Variants in DLC1 observed in about 807,000 individuals in gnomAD.
DLC1 encodes DLC1 Rho GTPase activating protein, also known as rho GTPase-activating protein 7.
A neutral mutation model predicts 140.3 loss-of-function variants in DLC1; 54 were observed. The ratio of observed to expected loss-of-function variants is 0.38; its 90% confidence interval spans 0.31 to 0.48. DLC1 has a LOEUF of 0.48. DLC1 is among the 20% of genes least tolerant of loss of function. The pLI is 0.96. For synonymous variants in DLC1, 986 were observed against 728.1 expected, an observed-to-expected ratio of 1.35 and a Z score of -5.70; for missense variants, 2,536 against 1,907.0, an observed-to-expected ratio of 1.33 and a Z score of -6.14.
intron 2 of DLC1, among the ~76,000 whole-genome samples, chr8:13,465,046 T>C (rs1399611538): frequency 6.6e-6 from 1 of 152,084 alleles, no homozygotes; most frequent in Non-Finnish European, 1.5e-5. Flanking sequence ...GCAATGTTAC[T>C]TTACAAAATT....
At chr8:13,103,966 G>A (rs1291470417) in intron 7 of DLC1, among the ~76,000 whole-genome samples, 1 of 151,892 alleles carries the variant, frequency 6.6e-6, no homozygotes, top group African/African-American at 2.4e-5. Flanking sequence ...ACAGTGTCTT[G>A]TATTTGAAAT....
chr8:13,232,896 T>G (rs2583101), intron 5 of DLC1, among the ~76,000 whole-genome samples: 79,457 of 152,102 alleles, frequency 0.52, 21,150 homozygotes, highest in East Asian at 0.83. Flanking sequence ...AAACACAAAG[T>G]AAATAAAGAT....
chr8:13,440,903 C>G (rs551165919), intron 2 of DLC1, among the ~76,000 whole-genome samples: 1 of 152,068 alleles, frequency 6.6e-6, no homozygotes, highest in African/African-American at 2.4e-5. Context: ...CCAATTAAAC[C>G]TCCTCTTCTT....
intron 5 of DLC1, among the ~76,000 whole-genome samples, chr8:13,149,583 G>T (rs1179183356): frequency 6.6e-6 from 1 of 152,022 alleles, no homozygotes; most frequent in Admixed American, 6.5e-5. Flanking sequence ...GCTCTATCCC[G>T]ACCCATCTGT....
At chr8:13,190,101 C>G (rs781436910) in intron 5 of DLC1, among the ~76,000 whole-genome samples, 1 of 152,122 alleles carries the variant, frequency 6.6e-6, no homozygotes, top group Non-Finnish European at 1.5e-5. Context: ...TTATTTTACT[C>G]AATGTATTCC....
intron 1 of DLC1, among the ~76,000 whole-genome samples, chr8:13,599,719 A>T (rs1045871063): frequency 2.0e-5 from 3 of 151,944 alleles, no homozygotes; most frequent in Non-Finnish European, 4.4e-5. Context: ...AATGATGTCA[A>T]CTCTATCCAA....
chr8:13,092,608 G>T lies in DLC1; in HGVS notation c.3740+4C>A. On this transcript the variant is annotated splice_donor_region_variant and intron_variant, in intron 13 of 17. Coordinates refer to ENST00000276297, the MANE Select transcript of DLC1 (RefSeq NM_182643.3). ...TGTGCATGCACCTCCCATGCAGCCC[G>T]TACCTGGGAGAGGAATTCTCTCTCT... 6.2e-7 allele frequency: 1 copy of T among 1,613,822 alleles called. No individual in the cohort carries two copies. The highest frequency in any genetic ancestry group is 1.1e-5 in the South Asian group (1 of 90,978).
chr8:13,420,311 AG>A (rs1315262721), intron 2 of DLC1, among the ~76,000 whole-genome samples: 1 of 152,140 alleles, frequency 6.6e-6, no homozygotes, highest in Non-Finnish European at 1.5e-5. Flanking sequence ...TCCTCATAAT[AG>A]CATGAAAGGA....
intron 5 of DLC1, among the ~76,000 whole-genome samples, chr8:13,302,445 A>G (rs967940743): frequency 6.6e-6 from 1 of 152,238 alleles, no homozygotes; most frequent in Non-Finnish European, 1.5e-5. Context: ...ATCACAGGGC[A>G]GGAGACAAGC....
intron 2 of DLC1, among the ~76,000 whole-genome samples, chr8:13,458,087 A>G (rs1013574735): frequency 1.3e-5 from 2 of 152,216 alleles, no homozygotes; most frequent in African/African-American, 2.4e-5. Context: ...ATCTAAAGCA[A>G]TCAGTACGGA....
At chr8:13,426,764 C>G (rs1838602617) in intron 2 of DLC1, among the ~76,000 whole-genome samples, 1 of 151,046 alleles carries the variant, frequency 6.6e-6, no homozygotes, top group Non-Finnish European at 1.5e-5. Context: ...TTTATAGTCC[C>G]ATTGCCTCGT....
chr8:13,167,068 A>C (rs1427144800), intron 5 of DLC1, among the ~76,000 whole-genome samples: 3 of 152,192 alleles, frequency 2.0e-5, no homozygotes, highest in African/African-American at 7.2e-5. Context: ...TGAACATGAA[A>C]AAGGCCCTAG....
chr8:13,208,396 C>T (rs138910873), intron 5 of DLC1, among the ~76,000 whole-genome samples: 213 of 152,164 alleles, frequency 1.4e-3, no homozygotes, highest in African/African-American at 4.8e-3. Context: ...TCTATTTTGG[C>T]CAGTCTTCCC....
intron 5 of DLC1, chr8:13,305,037 A>C (rs1832362101): frequency 1.7e-6 from 2 of 1,155,292 alleles, no homozygotes; most frequent in Middle Eastern, 3.6e-4. Flanking sequence ...AGTTACAAGG[A>C]AGACCCCAAG....
chr8:13,547,066 G>A (rs7813592), intron 1 of DLC1, among the ~76,000 whole-genome samples: 42,496 of 151,748 alleles, frequency 0.28, 6,180 homozygotes, highest in Admixed American at 0.3. Context: ...TATTGCATGC[G>A]ACTGCTTGAT....
chr8:13,085,011 G>C lies in DLC1; in HGVS notation c.*800C>G, dbSNP rs1817438417. ...AGAGCCAGTAAGGCTAGAGGGAGCAGTTCATCCCTGAACTAATCCATACTG... is the reference window on the plus strand; with the variant it reads ...AGAGCCAGTAAGGCTAGAGGGAGCACTTCATCCCTGAACTAATCCATACTG... On this transcript the variant is annotated 3_prime_UTR_variant, in exon 18 of 18. Coordinates refer to ENST00000276297, the MANE Select transcript of DLC1 (RefSeq NM_182643.3). The C allele has an allele frequency of 6.6e-6, 1 of 152,234 alleles. No individual in the cohort carries two copies. Among genetic ancestry groups the C allele is most frequent in the African/African-American group, 2.4e-5 (1 of 41,462 alleles). The allele number at this position is 152,234 out of a possible 1,614,324, so 9.4% of individuals were successfully genotyped here.
At chr8:13,217,823 G>A (rs1293333383) in intron 5 of DLC1, among the ~76,000 whole-genome samples, 1 of 151,394 alleles carries the variant, frequency 6.6e-6, no homozygotes, top group Non-Finnish European at 1.5e-5. Context: ...GAGTGACAGA[G>A]TGAGACTCCA....
At chr8:13,279,254 A>G (rs1447142537) in intron 5 of DLC1, among the ~76,000 whole-genome samples, 5 of 152,232 alleles carry the variant, frequency 3.3e-5, no homozygotes, top group Non-Finnish European at 5.9e-5. Flanking sequence ...ACTGTTTAAC[A>G]GTAGAGCACT....
chr8:13,585,358 G>T (rs1002033657), intron 1 of DLC1, among the ~76,000 whole-genome samples: 15 of 151,954 alleles, frequency 9.9e-5, no homozygotes, highest in Non-Finnish European at 1.6e-4. Flanking sequence ...GATGCTAGAA[G>T]ATCAAGACCA....
Sources: allele counts gnomAD v4.1 joint callset (sites outside exome capture counted in the v4.1 genomes callset), GRCh38; gene constraint gnomAD v4.1.1; transcripts MANE v1.5; gene names NCBI Gene and HGNC (gene_info 2026-07-23, HGNC 2026-07-21).